HHATL: variants seen among roughly 807,000 people sequenced by gnomAD.
HHATL encodes hedgehog acyltransferase like.
Under a neutral mutation model 59.7 loss-of-function variants are expected in HHATL, and 49 were observed. The observed-to-expected ratio is 0.82, with a 90% CI of 0.65 to 1.04. HHATL has a LOEUF of 1.04. Ranked by LOEUF, HHATL falls within the 50% of genes least tolerant of loss-of-function variation. HHATL has a pLI of 0.00. For missense variants in HHATL, 605 were observed against 650.8 expected (o/e 0.93, Z 0.77); for synonymous variants, 238 against 257.3 (o/e 0.93, Z 0.72).
At chr3:42,699,919 G>A in intron 2 of HHATL, 94 bp from the exon 3 acceptor site, 2 of 1,010,706 alleles carry the variant, frequency 2.0e-6, no homozygotes, top group Non-Finnish European at 3.0e-6. Context: ...GGGGAGCGAG[G>A]GCATCAGGAA....
chr3:42,693,328 G>C (rs1482123960), intron 10 of HHATL, 110 bp from the exon 11 acceptor site: 12 of 1,377,170 alleles, frequency 8.7e-6, no homozygotes, highest in Admixed American at 2.0e-5. Flanking sequence ...GGCTATGTCT[G>C]GGTCTCGGAG....
Position 42,693,185 on chromosome 3 carries a change from G to A in HHATL, c.1282C>T (p.Arg428Trp), listed in dbSNP as rs747479497. ...SLSVQMSRRV[R>W]ALFGAMNFWA... ...AAGTTCATGGCTCCAAACAGGGCCCGGACCCTACGGGACATCTGCACTGAC... is the reference window on the plus strand; with the variant it reads ...AAGTTCATGGCTCCAAACAGGGCCCAGACCCTACGGGACATCTGCACTGAC... The change falls in exon 11 of 12, where the codon CGG (arginine) becomes TGG (tryptophan). Residue 428 changes from arginine to tryptophan, a missense_variant. Coordinates refer to ENST00000441594, the MANE Select transcript of HHATL (RefSeq NM_020707.4). The A allele has an allele frequency of 5.0e-6, 8 of 1,614,054 alleles. No homozygotes were observed. In the East Asian group the frequency reaches 6.7e-5, roughly 13 times the overall value.
rs191640838 is a variant in HHATL, at chr3:42,698,237, G to C, written c.598C>G (p.Arg200Gly). Residue 200 changes from arginine (R) to glycine (G), a missense_variant, in exon 6 of 12, where the codon CGC (arginine) becomes GGC (glycine). Transcript: ENST00000441594. Reference protein sequence around the residue: ...FALESCAHPDRHYSLADLLKY... With the variant: ...FALESCAHPDGHYSLADLLKY... ...AGCAGGTCAGCTAAGGAGTAGTGGC[G>C]GTCAGGGTGGGCACAGCTCTCCAGT... 328 of 1,614,074 alleles carry C rather than the reference G, an allele frequency of 2.0e-4. No individual in the cohort carries two copies. Among genetic ancestry groups the C allele is most frequent in the Non-Finnish European group, 2.6e-4 (306 of 1,180,018 alleles).
In HHATL at chr3:42,693,569, C is replaced by T. The variant is rs549901611; in HGVS notation, c.1248+48G>A. ...ACTCCAGAAAGCAGCAGTGCCCCCC[C>T]GCCCTCTATGACCCAGCCAGTCCCA... On this transcript the variant is annotated intron_variant, in intron 10 of 11. Coordinates refer to ENST00000441594, the MANE Select transcript of HHATL (RefSeq NM_020707.4). 2.9e-5 allele frequency: 44 copies of T among 1,527,682 alleles called. No homozygotes were observed. In the Admixed American group the frequency reaches 3.4e-4, roughly 12 times the overall value. 94.6% of individuals were successfully genotyped at this position (1,527,682 alleles called of 1,614,324 possible).
In HHATL at chr3:42,693,065, C is replaced by T. The variant is rs776300731; in HGVS notation, c.1390+12G>A. On this transcript the variant is annotated intron_variant, in intron 11 of 11. Coordinates refer to ENST00000441594, the MANE Select transcript of HHATL (RefSeq NM_020707.4). ...CTGGCACCTTCTGTATCCCCACACC[C>T]CTGTCCCTCACCTGTGAGTAGCAGG... 2.2e-5 allele frequency: 36 copies of T among 1,614,002 alleles called. No individual in the cohort carries two copies. The highest frequency in any genetic ancestry group is 3.1e-5 in the Non-Finnish European group (36 of 1,180,004).
Position 42,692,921 on chromosome 3 carries a change from C to T in HHATL, c.1391-46G>A, listed in dbSNP as rs756421991. 1.9e-6 allele frequency: 3 copies of T among 1,600,658 alleles called. No homozygotes were observed. In the East Asian group the frequency reaches 6.7e-5, roughly 36 times the overall value. On this transcript the variant is annotated intron_variant, in intron 11 of 11. Coordinates refer to ENST00000441594, the MANE Select transcript of HHATL (RefSeq NM_020707.4). Reference sequence around the variant, plus strand: ...AGATGCTCAGGAGCAGCACTGCATCCTCAGCGACTTTTGTCTTCCCACCCC... The same window carrying T: ...AGATGCTCAGGAGCAGCACTGCATCTTCAGCGACTTTTGTCTTCCCACCCC...
chr3:42,699,307 A>G (rs1312989722), intron 3 of HHATL, among the ~76,000 whole-genome samples, 162 bp from the exon 4 acceptor site: 1 of 152,010 alleles, frequency 6.6e-6, no homozygotes, highest in African/African-American at 2.4e-5. Flanking sequence ...ATTATTTTTT[A>G]CCACTAGCCA....
chr3:42,694,594 C>T (rs753074069), intron 9 of HHATL, among the ~76,000 whole-genome samples: 3 of 152,222 alleles, frequency 2.0e-5, no homozygotes, highest in Admixed American at 6.5e-5. Flanking sequence ...CCCAAGTGGT[C>T]TGGTTTCTGT....
intron 9 of HHATL, 88 bp from the exon 10 acceptor site, chr3:42,693,906 C>T: frequency 9.3e-7 from 1 of 1,070,186 alleles, no homozygotes; most frequent in South Asian, 1.4e-5. Context: ...GCGTCCTCCT[C>T]AACACTGTCA....
chr3:42,693,993 C>G, intron 9 of HHATL, 175 bp from the exon 10 acceptor site: 1 of 614,362 alleles, frequency 1.6e-6, no homozygotes, highest in South Asian at 1.9e-5. Context: ...GCAGGCTCAG[C>G]CTGGGACATT....
rs777324800 is a variant in HHATL at position 42,698,726 on chromosome 3, G to A, written c.465C>T (p.Asp155=). The A allele has an allele frequency of 2.5e-6, 4 of 1,580,304 alleles. No homozygotes were observed. Among genetic ancestry groups the A allele is most frequent in the Non-Finnish European group, 3.4e-6 (4 of 1,167,518 alleles). The change falls in exon 5 of 12, where the codon GAC becomes GAT. Residue 155 remains aspartate, a synonymous_variant. Coordinates refer to ENST00000441594, the MANE Select transcript of HHATL (RefSeq NM_020707.4). ...TTCACACCTGCCAAGAGATTAGGGGGTCCATCTTGAAGGAGGCCAGGCTGG... is the reference window on the plus strand; with the variant it reads ...TTCACACCTGCCAAGAGATTAGGGGATCCATCTTGAAGGAGGCCAGGCTGG... ...GLASLASFKM[D]PLISWQSGFV...
Position 42,701,897 on chromosome 3 carries a change from T to C in HHATL, c.-14+682A>G, listed in dbSNP as rs1018975915. On this transcript the variant is annotated intron_variant, in intron 1 of 11. Coordinates refer to ENST00000441594, the MANE Select transcript of HHATL (RefSeq NM_020707.4). The surrounding 1 kb of genome is among the most constrained non-coding windows in gnomAD (Gnocchi z 5.1). ...CTGATGTGGCCCTTTTGCCCACCCT[T>C]GATCCTCCCCTAAATCTTCATCCCC... 1.6e-4 allele frequency among the ~76,000 whole-genome samples: 24 copies of C among 152,276 alleles called. No homozygotes were observed. Among genetic ancestry groups the C allele is most frequent in the African/African-American group, 5.5e-4 (23 of 41,556 alleles).
At chr3:42,693,868 G>T (rs1697472212) in intron 9 of HHATL, 50 bp from the exon 10 acceptor site, 1 of 1,488,528 alleles carries the variant, frequency 6.7e-7, no homozygotes, top group Non-Finnish European at 9.3e-7. Flanking sequence ...AAAGGGCAGG[G>T]ATGAGATGGG....
At chr3:42,696,175 T>C (rs1697602146) in intron 9 of HHATL, among the ~76,000 whole-genome samples, 1 of 152,130 alleles carries the variant, frequency 6.6e-6, no homozygotes, top group Non-Finnish European at 1.5e-5. Flanking sequence ...TGGATGGTCT[T>C]CCCTTGGCTT....
rs913887897 is a variant in HHATL, at chr3:42,699,161, G to A, written c.175-16C>T. The A allele has an allele frequency of 9.4e-6, 15 of 1,600,556 alleles. No individual in the cohort carries two copies. The East Asian group carries it at 3.3e-4, about 36-fold the overall frequency. ...CAGCCACATCCTGGGGCAGTCCGGG[G>A]CAGAAGGAGGTGGGGCAGGTGAGGG... On this transcript the variant is annotated splice_polypyrimidine_tract_variant and intron_variant, in intron 3 of 11. Transcript: ENST00000441594.
intron 11 of HHATL, 91 bp from the exon 12 acceptor site, chr3:42,692,966 C>A (rs1697416788): frequency 6.3e-7 from 1 of 1,583,504 alleles, no homozygotes; most frequent in African/African-American, 1.3e-5. Context: ...TTGATGGGCC[C>A]TCCCTTCTGA....
chr3:42,695,549 G>A (rs1250047868), intron 9 of HHATL, among the ~76,000 whole-genome samples: 3 of 152,110 alleles, frequency 2.0e-5, no homozygotes, highest in Non-Finnish European at 2.9e-5. Flanking sequence ...GCTCTGCAAG[G>A]GCCACTGTAT....
chr3:42,701,098 C>A lies in HHATL; in HGVS notation c.-13-259G>T. Reference sequence around the variant, plus strand: ...TTGCCCGCAGAGCCCTCACTCGCAGCCTGCCTCCCTCACCTTCATTTACAT... The same window carrying A: ...TTGCCCGCAGAGCCCTCACTCGCAGACTGCCTCCCTCACCTTCATTTACAT... On this transcript the variant is annotated intron_variant, in intron 1 of 11. Coordinates refer to ENST00000441594, the MANE Select transcript of HHATL (RefSeq NM_020707.4). This position sits in a 1 kb window ranked among gnomAD's most constrained non-coding sequence, Gnocchi z 5.1. 2.2e-6 allele frequency: 1 copy of A among 463,572 alleles called. No individual in the cohort carries two copies. Among genetic ancestry groups the A allele is most frequent in the Non-Finnish European group, 3.9e-6 (1 of 255,562 alleles). The allele number at this position is 463,572 out of a possible 1,614,324, so 28.7% of individuals were successfully genotyped here.
At chr3:42,697,784 T>C in intron 6 of HHATL, 105 bp from the exon 7 acceptor site, 1 of 1,198,268 alleles carries the variant, frequency 8.3e-7, no homozygotes, top group Non-Finnish European at 1.2e-6. Flanking sequence ...CATGGCTTTA[T>C]CCAGGAGTCC....
Sources: allele counts gnomAD v4.1 joint callset (sites outside exome capture counted in the v4.1 genomes callset), GRCh38; gene constraint gnomAD v4.1.1; non-coding constraint Gnocchi (gnomAD v3.1); transcripts MANE v1.5; gene names NCBI Gene and HGNC (gene_info 2026-07-23, HGNC 2026-07-21).